The following DNAJB6 variants were observed in gnomAD, a reference collection of about 807,000 sequenced individuals.
DNAJB6 encodes dnaJ homolog subfamily B member 6.
A neutral mutation model predicts 42.7 loss-of-function variants in DNAJB6; 16 were observed. The observed-to-expected ratio is 0.37, with a 90% confidence interval of 0.25 to 0.57. DNAJB6 has a LOEUF of 0.57. Among genes scored for constraint, DNAJB6 ranks in the 20% least tolerant of loss-of-function variants. DNAJB6 has a pLI of 0.74. For missense variants in DNAJB6, 347 were observed against 416.8 expected, an observed-to-expected ratio of 0.83 and a Z score of 1.46; for synonymous variants, 170 against 163.5, an observed-to-expected ratio of 1.04 and a Z score of -0.30.
intron 5 of DNAJB6, among the ~76,000 whole-genome samples, chr7:157,377,442 A>G (rs1339335563): frequency 1.3e-5 from 2 of 152,206 alleles, no homozygotes; most frequent in Admixed American, 1.3e-4. Flanking sequence ...TTCTGAAGAG[A>G]TGAGCATACA....
chr7:157,351,886 G>A (rs1454115579), intron 1 of DNAJB6, among the ~76,000 whole-genome samples: 1 of 151,676 alleles, frequency 6.6e-6, no homozygotes, highest in Non-Finnish European at 1.5e-5. Context: ...CCAGCTAGCT[G>A]GGAGGCTGAG....
intron 8 of DNAJB6, among the ~76,000 whole-genome samples, chr7:157,402,122 G>A (rs1307730263): frequency 2.0e-5 from 3 of 152,196 alleles, no homozygotes; most frequent in Admixed American, 6.5e-5. Flanking sequence ...TTTCATCCTC[G>A]TTGTATTTTC....
At chr7:157,387,653 A>G (rs1801137644) in intron 8 of DNAJB6, among the ~76,000 whole-genome samples, 1 of 152,200 alleles carries the variant, frequency 6.6e-6, no homozygotes, top group African/African-American at 2.4e-5. Flanking sequence ...GTACTACACA[A>G]TTTTAGAACA....
intron 1 of DNAJB6, among the ~76,000 whole-genome samples, chr7:157,356,781 T>G (rs990571443): frequency 6.6e-6 from 1 of 152,212 alleles, no homozygotes; most frequent in African/African-American, 2.4e-5. Flanking sequence ...CAAATCTACT[T>G]AAGAAAAAGA....
At chr7:157,357,795 C>G (rs145901509) in intron 1 of DNAJB6, among the ~76,000 whole-genome samples, 1 of 152,228 alleles carries the variant, frequency 6.6e-6, no homozygotes, top group Admixed American at 6.5e-5. Context: ...TTTTACTGCC[C>G]GGGGAAGTAA....
intron 1 of DNAJB6, among the ~76,000 whole-genome samples, chr7:157,340,310 G>A (rs1385465108): frequency 6.6e-6 from 1 of 152,194 alleles, no homozygotes; most frequent in Non-Finnish European, 1.5e-5. Flanking sequence ...GGTGAGAGGC[G>A]GGTAACTGCA....
At chr7:157,393,333 A>C (rs1165265099) in intron 8 of DNAJB6, among the ~76,000 whole-genome samples, 1 of 152,212 alleles carries the variant, frequency 6.6e-6, no homozygotes, top group Admixed American at 6.5e-5. Context: ...GGAAAACTCT[A>C]TAAATTTTCT....
chr7:157,357,560 C>G lies in DNAJB6; in HGVS notation c.-26-987C>G, dbSNP rs149052686. On this transcript the variant is annotated intron_variant, in intron 1 of 9. Transcript: ENST00000262177. Reference sequence around the variant, plus strand: ...TCCTGACCTCAAGTGATCCACCTCCCTCGGCCTCCTAAAGCGCTGGGATTA... The same window carrying G: ...TCCTGACCTCAAGTGATCCACCTCCGTCGGCCTCCTAAAGCGCTGGGATTA... Among the ~76,000 whole-genome samples, 1,106 of 151,974 alleles carry G rather than the reference C, an allele frequency of 7.3e-3. 29 individuals are homozygous for G. The highest frequency in any genetic ancestry group is 0.051 in the Admixed American group (781 of 15,212).
chr7:157,341,705 T>A (rs780758660), intron 1 of DNAJB6, among the ~76,000 whole-genome samples: 5 of 152,230 alleles, frequency 3.3e-5, no homozygotes, highest in Admixed American at 6.5e-5. Flanking sequence ...TTTGTGTTTA[T>A]AGGAATGTCC....
intron 5 of DNAJB6, among the ~76,000 whole-genome samples, chr7:157,374,232 C>A (rs1472944344): frequency 1.3e-5 from 2 of 152,094 alleles, no homozygotes; most frequent in Admixed American, 6.6e-5. Flanking sequence ...TTTGAGAACT[C>A]CTCGTGTTGA....
intron 1 of DNAJB6, among the ~76,000 whole-genome samples, chr7:157,342,253 C>G (rs536782800): frequency 4.0e-5 from 6 of 151,724 alleles, no homozygotes; most frequent in Non-Finnish European, 8.8e-5. Context: ...CCCCAGCCTC[C>G]GCCTCCTAGT....
At position 157,367,596 on chromosome 7, in the gene DNAJB6, C is replaced by G. The variant is rs550768992; in HGVS notation, c.346+113C>G. ...GTATTTTAGGCTGGGCGCGGTGGCT[C>G]ATGCCTGTAATCCCAGCACTTTGGG... On this transcript the variant is annotated intron_variant, in intron 5 of 9. Transcript: ENST00000262177. The G allele has an allele frequency of 1.1e-4, 81 of 725,438 alleles. No individual in the cohort carries two copies. In the East Asian group the frequency reaches 2.2e-3, roughly 19 times the overall value. The allele number at this position is 725,438 out of a possible 1,614,324, so 44.9% of individuals were successfully genotyped here.
At chr7:157,351,664 A>AAC (rs748957267) in intron 1 of DNAJB6, among the ~76,000 whole-genome samples, 121 of 148,834 alleles carry the variant, frequency 8.1e-4, no homozygotes, top group Non-Finnish European at 1.4e-3. Context: ...ACAACAACAA[A>AAC]AAAAACCACA....
chr7:157,400,340 C>CCGGG (rs1801799940), intron 8 of DNAJB6, among the ~76,000 whole-genome samples: 1 of 152,200 alleles, frequency 6.6e-6, no homozygotes, highest in Admixed American at 6.5e-5. Flanking sequence ...TGGGGGATGC[C>CCGGG]TGGGTCCCCG....
At chr7:157,359,377 A>G (rs1254987531) in intron 2 of DNAJB6, among the ~76,000 whole-genome samples, 2 of 152,210 alleles carry the variant, frequency 1.3e-5, no homozygotes, top group Non-Finnish European at 2.9e-5. Flanking sequence ...CATTTTGCTT[A>G]ATTTTTAAAT....
At chr7:157,359,553 G>T (rs190288440) in intron 2 of DNAJB6, among the ~76,000 whole-genome samples, 105 of 152,254 alleles carry the variant, frequency 6.9e-4, no homozygotes, top group African/African-American at 2.4e-3. Flanking sequence ...GGCCAGGCAA[G>T]TGGCTCACAC....
chr7:157,350,622 T>C (rs1270136789), intron 1 of DNAJB6, among the ~76,000 whole-genome samples: 1 of 152,194 alleles, frequency 6.6e-6, no homozygotes, highest in African/African-American at 2.4e-5. Context: ...TAAAGGTCCT[T>C]TAATAAGAAT....
chr7:157,387,511 A>G (rs939036945), intron 8 of DNAJB6, among the ~76,000 whole-genome samples: 2 of 152,228 alleles, frequency 1.3e-5, no homozygotes, highest in Non-Finnish European at 2.9e-5. Context: ...AAGGCGTTTT[A>G]TATTTTTCAT....
chr7:157,402,239 G>A (rs1261312569), intron 8 of DNAJB6, among the ~76,000 whole-genome samples: 1 of 152,226 alleles, frequency 6.6e-6, no homozygotes, highest in Non-Finnish European at 1.5e-5. Context: ...GGGATCCCAG[G>A]CGGGGTCCAC....
Sources: allele counts gnomAD v4.1 joint callset (sites outside exome capture counted in the v4.1 genomes callset), GRCh38; gene constraint gnomAD v4.1.1; transcripts MANE v1.5; gene names NCBI Gene and HGNC (gene_info 2026-07-23, HGNC 2026-07-21).